PDE4D: variants seen among roughly 807,000 people sequenced by gnomAD.
PDE4D encodes the protein 3',5'-cyclic-AMP phosphodiesterase 4D.
In PDE4D, 24 loss-of-function variants were observed where a neutral mutation model predicts 87.4. The ratio of observed to expected loss-of-function variants is 0.27; its 90% CI spans 0.20 to 0.39. The LOEUF (loss-of-function observed/expected upper bound fraction) is 0.39. Ranked by LOEUF, PDE4D falls within the 10% of genes least tolerant of loss-of-function variation. The pLI, the probability that PDE4D is intolerant of heterozygous loss-of-function variation, is 1.00. For synonymous variants in PDE4D, 384 were observed against 383.2 expected (o/e 1.00, Z -0.02); for missense variants, 714 against 1,041.0 (o/e 0.69, Z 4.32).
intron 1 of PDE4D, among the ~76,000 whole-genome samples, chr5:59,701,071 CTCA>C (rs1289285192): frequency 1.3e-5 from 2 of 152,158 alleles, no homozygotes; most frequent in Non-Finnish European, 2.9e-5. Flanking sequence ...TATCTCCAGG[CTCA>C]TGTCTTGTCA....
chr5:59,776,822 C>T (rs1243415932), intron 1 of PDE4D, among the ~76,000 whole-genome samples: 1 of 151,776 alleles, frequency 6.6e-6, no homozygotes, highest in African/African-American at 2.4e-5. Context: ...GCATGTCTCA[C>T]CGAAGATGAG....
intron 1 of PDE4D, among the ~76,000 whole-genome samples, chr5:59,670,724 T>C (rs1747057626): frequency 6.6e-6 from 1 of 152,146 alleles, no homozygotes; most frequent in Non-Finnish European, 1.5e-5. Context: ...TTGAGAGAAA[T>C]GTAATTATAA....
At chr5:60,156,161 T>C (rs1292612341) in intron 2 of PDE4D, among the ~76,000 whole-genome samples, 3 of 152,234 alleles carry the variant, frequency 2.0e-5, no homozygotes, top group Non-Finnish European at 4.4e-5. Flanking sequence ...ACAGTAATTG[T>C]TGCTACTACC....
At chr5:60,074,258 A>G (rs1225259011) in intron 2 of PDE4D, among the ~76,000 whole-genome samples, 1 of 152,076 alleles carries the variant, frequency 6.6e-6, no homozygotes, top group Non-Finnish European at 1.5e-5. Flanking sequence ...GAACTTCTTG[A>G]TTTCTGCTTT....
intron 1 of PDE4D, among the ~76,000 whole-genome samples, chr5:59,746,572 A>T (rs1481562004): frequency 1.3e-5 from 2 of 152,146 alleles, no homozygotes; most frequent in Non-Finnish European, 2.9e-5. Flanking sequence ...CTGCCAGGTC[A>T]TTGCTCATCA....
intron 1 of PDE4D, among the ~76,000 whole-genome samples, chr5:59,425,902 C>A (rs546818198): frequency 6.6e-5 from 10 of 152,032 alleles, no homozygotes; most frequent in African/African-American, 2.4e-4. Flanking sequence ...TTGTGTCTAC[C>A]CCAAAATTTG....
intron 1 of PDE4D, among the ~76,000 whole-genome samples, chr5:59,786,295 A>AT: frequency 6.6e-6 from 1 of 152,360 alleles, no homozygotes; most frequent in Middle Eastern, 3.4e-3. Context: ...CAGATTCTAA[A>AT]CAGGGATTTA....
intron 5 of PDE4D, among the ~76,000 whole-genome samples, chr5:59,059,747 C>T (rs1441121368): frequency 3.3e-5 from 5 of 152,158 alleles, no homozygotes; most frequent in Non-Finnish European, 5.9e-5. Context: ...CTTTCCTGAA[C>T]ACCATGGCTA....
intron 1 of PDE4D, among the ~76,000 whole-genome samples, chr5:59,656,978 C>G (rs1172080908): frequency 1.3e-5 from 2 of 152,080 alleles, no homozygotes; most frequent in Non-Finnish European, 2.9e-5. Context: ...ACAATACCTG[C>G]CTTTTACAGT....
chr5:59,321,975 A>T (rs547256481), intron 1 of PDE4D, among the ~76,000 whole-genome samples: 19 of 151,994 alleles, frequency 1.3e-4, no homozygotes, highest in Non-Finnish European at 2.1e-4. Flanking sequence ...ATTCAGGAAT[A>T]AAAAAATGGC....
chr5:59,985,971 A>T (rs1762426542), intron 3 of PDE4D, among the ~76,000 whole-genome samples: 1 of 152,246 alleles, frequency 6.6e-6, no homozygotes, highest in African/African-American at 2.4e-5. Context: ...TTGATTCTTA[A>T]ATCTTAATGA....
chr5:60,470,770 G>T (rs1307257540), intron 1 of PDE4D, among the ~76,000 whole-genome samples: 1 of 151,822 alleles, frequency 6.6e-6, no homozygotes, highest in Non-Finnish European at 1.5e-5. Flanking sequence ...CTTCTGTTGA[G>T]ATCTACTGCT....
At chr5:60,519,396 C>A (rs1290507710) in intron 1 of PDE4D, among the ~76,000 whole-genome samples, 1 of 152,216 alleles carries the variant, frequency 6.6e-6, no homozygotes, top group Non-Finnish European at 1.5e-5. Context: ...TATGCAGTCT[C>A]TCTCCTTCCT....
chr5:58,975,740 G>A lies in PDE4D; in HGVS notation c.1930C>T (p.Arg644Cys), dbSNP rs371950648. ...WTDRIMEEFF[R>C]QGDRERERGM... ...CGTTCCCTCTCTCGGTCTCCTTGGCGGAAGAACTCCTCCATTATCCGGTCC... is the reference window on the plus strand; with the variant it reads ...CGTTCCCTCTCTCGGTCTCCTTGGCAGAAGAACTCCTCCATTATCCGGTCC... Residue 644 changes from arginine (R) to cysteine (C), a missense_variant, in exon 14 of 15, where the codon CGC becomes TGC. Arg to Cys is a radical substitution (Grantham distance 180). Transcript: ENST00000340635. The surrounding 1 kb of genome is among the most constrained non-coding windows in gnomAD (Gnocchi z 4.2). 127 of 1,613,232 alleles carry A rather than the reference G, an allele frequency of 7.9e-5. No homozygotes were observed. The highest frequency in any genetic ancestry group is 3.3e-4 in the Middle Eastern group (2 of 6,054).
chr5:60,344,347 C>T (rs998711822), intron 1 of PDE4D, among the ~76,000 whole-genome samples: 2 of 151,802 alleles, frequency 1.3e-5, no homozygotes, highest in Non-Finnish European at 2.9e-5. Flanking sequence ...GCTCTCTATT[C>T]GTTAGTTTTG....
chr5:59,375,364 T>C (rs565190837), intron 1 of PDE4D, among the ~76,000 whole-genome samples: 8 of 152,092 alleles, frequency 5.3e-5, no homozygotes, highest in Non-Finnish European at 1.2e-4. Context: ...ATATTACCAC[T>C]GACCCCACAG....
intron 1 of PDE4D, among the ~76,000 whole-genome samples, chr5:59,369,670 C>T (rs1194521704): frequency 6.6e-6 from 1 of 152,060 alleles, no homozygotes; most frequent in Non-Finnish European, 1.5e-5. Context: ...AACTCTGGAC[C>T]CTCAATGTTG....
chr5:59,154,423 A>G (rs1779875682), intron 5 of PDE4D, among the ~76,000 whole-genome samples: 1 of 152,168 alleles, frequency 6.6e-6, no homozygotes, highest in Non-Finnish European at 1.5e-5. Context: ...ATTCTGTATC[A>G]TATTTTTAAA....
chr5:60,086,007 T>C (rs1389229656), intron 2 of PDE4D, among the ~76,000 whole-genome samples: 1 of 152,228 alleles, frequency 6.6e-6, no homozygotes, highest in East Asian at 1.9e-4. Flanking sequence ...GACAATGTTT[T>C]AATTACTTAG....
Sources: gnomAD v4.1 joint callset for allele counts (sites outside exome capture counted in the v4.1 genomes callset) on GRCh38, gnomAD v4.1.1 for gene constraint, Gnocchi (gnomAD v3.1) non-coding constraint, MANE v1.5 for transcripts, NCBI Gene and HGNC (gene_info 2026-07-23, HGNC 2026-07-21) for gene names.